CDC42BPB: variants seen among roughly 807,000 people sequenced by gnomAD.
The protein encoded by CDC42BPB is CDC42 binding protein kinase beta.
A neutral mutation model predicts 214.9 loss-of-function variants in CDC42BPB; 37 were observed. That is an observed-to-expected ratio of 0.17 (90% CI 0.13 to 0.23). CDC42BPB has a LOEUF of 0.23. Ranked by LOEUF, CDC42BPB falls within the 10% of genes least tolerant of loss-of-function variation. CDC42BPB has a pLI of 1.00. For missense variants in CDC42BPB, 1,694 were observed against 2,227.0 expected, an observed-to-expected ratio of 0.76 and a Z score of 4.82; for synonymous variants, 931 against 884.0, an observed-to-expected ratio of 1.05 and a Z score of -0.94.
At chr14:102,971,307 G>C (rs1198002524) in intron 13 of CDC42BPB, among the ~76,000 whole-genome samples, 2 of 152,266 alleles carry the variant, frequency 1.3e-5, no homozygotes, top group East Asian at 1.9e-4. Context: ...ACATGAAATG[G>C]GTTTTCATTG....
chr14:103,034,047 T>C (rs937844166), intron 1 of CDC42BPB, among the ~76,000 whole-genome samples: 1 of 152,228 alleles, frequency 6.6e-6, no homozygotes, highest in Non-Finnish European at 1.5e-5. Flanking sequence ...TCTGTCTCCA[T>C]CTCCTGCATC....
At chr14:103,031,113 AT>A (rs1411641611) in intron 1 of CDC42BPB, among the ~76,000 whole-genome samples, 1 of 151,742 alleles carries the variant, frequency 6.6e-6, no homozygotes, top group Non-Finnish European at 1.5e-5. Flanking sequence ...TTATGCTGAT[AT>A]TTTTCAGTAT....
chr14:102,985,084 G>A (rs993067608), intron 6 of CDC42BPB, among the ~76,000 whole-genome samples: 5 of 144,268 alleles, frequency 3.5e-5, no homozygotes, highest in East Asian at 2.2e-4. Context: ...ATACCATGAC[G>A]GGGTGGTGTG....
chr14:102,980,693 T>A, intron 8 of CDC42BPB, 80 bp downstream of exon 8: 1 of 1,380,936 alleles, frequency 7.2e-7, no homozygotes, highest in Non-Finnish European at 1.0e-6. Flanking sequence ...GTGTACTGAC[T>A]TGATAAGCAA....
chr14:103,011,175 G>A (rs1886136479), intron 2 of CDC42BPB, among the ~76,000 whole-genome samples: 2 of 152,220 alleles, frequency 1.3e-5, no homozygotes, highest in African/African-American at 2.4e-5. Context: ...CTGTGGAGAT[G>A]GCCTGGAAGG....
At chr14:103,016,696 G>A (rs145729663) in intron 1 of CDC42BPB, among the ~76,000 whole-genome samples, 331 of 152,240 alleles carry the variant, frequency 2.2e-3, no homozygotes, top group Non-Finnish European at 3.6e-3. Flanking sequence ...AGAATAAACC[G>A]TACAACACTG....
chr14:103,021,980 T>C (rs766440433), intron 1 of CDC42BPB, among the ~76,000 whole-genome samples: 1 of 152,070 alleles, frequency 6.6e-6, no homozygotes, highest in Non-Finnish European at 1.5e-5. Context: ...TGACAGAGGC[T>C]GGTGGGCTGA....
chr14:102,964,390 G>A (rs1463814615), intron 19 of CDC42BPB, 112 bp downstream of exon 19: 12 of 1,306,760 alleles, frequency 9.2e-6, no homozygotes, highest in Non-Finnish European at 1.2e-5. Context: ...TCCAGCAAAC[G>A]CCGTGGCCCC....
rs1174768308 is a variant in CDC42BPB at position 102,954,201 on chromosome 14, C to T, written c.3063G>A (p.Pro1021=). The T allele has an allele frequency of 1.3e-5, 20 of 1,547,630 alleles. No homozygotes were observed. Among genetic ancestry groups the T allele is most frequent in the Admixed American group, 3.9e-5 (2 of 50,818 alleles). ...PTTQALALAG[P]KPKAHQFSIK... The stretch of plus-strand genomic sequence containing the variant: ...CGGGTGAAAGCAAGGCCCCTACCTT[C>T]GGTCCAGCCAGAGCCAGGGCCTGCG... The change falls in exon 23 of 37, where the codon CCG becomes CCA. Residue 1021 remains proline, a synonymous_variant. Transcript: ENST00000361246.
At chr14:102,938,791 G>C (rs548998051) in intron 34 of CDC42BPB, among the ~76,000 whole-genome samples, 1 of 151,904 alleles carries the variant, frequency 6.6e-6, no homozygotes, top group African/African-American at 2.4e-5. Context: ...ATCACACCCA[G>C]CTTATTTTTG....
chr14:102,994,604 G>C (rs1040726290), intron 5 of CDC42BPB, among the ~76,000 whole-genome samples: 1 of 151,890 alleles, frequency 6.6e-6, no homozygotes, highest in African/African-American at 2.4e-5. Context: ...CTTCAGGGGA[G>C]AGTCAGGCAC....
At chr14:103,037,015 C>T (rs35485315) in intron 1 of CDC42BPB, among the ~76,000 whole-genome samples, 5,217 of 152,030 alleles carry the variant, frequency 0.034, 299 homozygotes, top group Admixed American at 0.14. Context: ...GACAGGGTTT[C>T]GCTATGCTGC....
intron 5 of CDC42BPB, among the ~76,000 whole-genome samples, chr14:102,996,701 A>G (rs1340806099): frequency 1.3e-5 from 2 of 151,154 alleles, no homozygotes; most frequent in African/African-American, 2.4e-5. Flanking sequence ...AATCCTAGCT[A>G]CTCGGGAGGC....
Position 103,014,288 on chromosome 14 carries a change from C to T in CDC42BPB, c.176-2100G>A, listed in dbSNP as rs565782436. On this transcript the variant is annotated intron_variant, in intron 1 of 36. Transcript: ENST00000361246. ...GTCTGACTCCAGACCAGCTCGTGCC[C>T]GCCATGTATCCTGCCAGTCTGGCAT... Among the ~76,000 whole-genome samples, 25 of 152,334 alleles carry T rather than the reference C, an allele frequency of 1.6e-4. No homozygotes were observed. In the South Asian group the frequency reaches 4.4e-3, roughly 27 times the overall value.
In CDC42BPB at chr14:102,993,933, TGGTTTGGGAATGGAAG is replaced by T. The variant is rs368562800; in HGVS notation, c.596+5616_596+5631del. 7.2e-3 allele frequency among the ~76,000 whole-genome samples: 1,101 copies of T among 152,268 alleles called. 13 individuals carry two copies. The highest frequency in any genetic ancestry group is 0.025 in the African/African-American group (1,052 of 41,540). On this transcript the variant is annotated intron_variant, in intron 5 of 36. Coordinates refer to ENST00000361246, the MANE Select transcript of CDC42BPB (RefSeq NM_006035.4). Reference sequence around the variant, plus strand: ...TCTCATCATTTAGGCTTAACTTTTTTGGTTTGGGAATGGAAGGCAGGGCAATTCAGAGAAATGGAGA... The same window carrying T: ...TCTCATCATTTAGGCTTAACTTTTTTGCAGGGCAATTCAGAGAAATGGAGA...
chr14:102,934,749 C>T (rs891695317), intron 36 of CDC42BPB, among the ~76,000 whole-genome samples: 25 of 151,780 alleles, frequency 1.6e-4, no homozygotes, highest in Non-Finnish European at 1.8e-4. Context: ...CGGTGGCTCA[C>T]ACCTGTAATC....
At chr14:102,982,928 AT>A (rs1953219949) in intron 7 of CDC42BPB, among the ~76,000 whole-genome samples, 3 of 152,212 alleles carry the variant, frequency 2.0e-5, no homozygotes, top group African/African-American at 7.2e-5. Context: ...GAAATAAAAA[AT>A]ATCAGACAGA....
intron 1 of CDC42BPB, 145 bp from the exon 2 acceptor site, chr14:103,012,333 A>G: frequency 6.9e-7 from 1 of 1,439,832 alleles, no homozygotes; most frequent in South Asian, 1.5e-5. Flanking sequence ...TTGGAAAGTG[A>G]GCACTTATAC....
intron 1 of CDC42BPB, among the ~76,000 whole-genome samples, chr14:103,055,733 TAA>T (rs929996416): frequency 3.3e-5 from 5 of 152,246 alleles, no homozygotes; most frequent in African/African-American, 1.2e-4. Flanking sequence ...TATTGCAACT[TAA>T]GTTTTATTTG....
Sources: allele counts gnomAD v4.1 joint callset (sites outside exome capture counted in the v4.1 genomes callset), GRCh38; gene constraint gnomAD v4.1.1; transcripts MANE v1.5; gene names NCBI Gene and HGNC (gene_info 2026-07-23, HGNC 2026-07-21).